Variants in TECR observed in about 807,000 individuals in gnomAD.
TECR encodes the protein very-long-chain enoyl-CoA reductase.
In TECR, 19 loss-of-function variants were observed where a neutral mutation model predicts 50.6. That is an observed-to-expected ratio of 0.38 (90% CI 0.26 to 0.55). The LOEUF (loss-of-function observed/expected upper bound fraction) is 0.55. TECR is among the 20% of genes least tolerant of loss of function. The pLI is 0.79. For missense variants in TECR, 313 were observed against 408.3 expected, an observed-to-expected ratio of 0.77 and a Z score of 2.01; for synonymous variants, 168 against 163.5, an observed-to-expected ratio of 1.03 and a Z score of -0.21.
Position 14,530,556 on chromosome 19 carries a change from A to G in TECR, c.15+845A>G, listed in dbSNP as rs187889314. 35 of 152,326 alleles carry G rather than the reference A, an allele frequency of 2.3e-4. No homozygotes were observed. The East Asian group carries it at 6.4e-3, about 28-fold the overall frequency. The allele number at this position is 152,326 out of a possible 1,614,324, so 9.4% of individuals were successfully genotyped here. A position where few individuals can be genotyped will look rare whatever the true frequency, so the allele number is the denominator to read the frequency against. ...TGCTGGTGAGATTCTGTTACCTTGTATAAGAACTATTATTATTCCTGTTTG... is the reference window on the plus strand; with the variant it reads ...TGCTGGTGAGATTCTGTTACCTTGTGTAAGAACTATTATTATTCCTGTTTG... On this transcript the variant is annotated intron_variant, in intron 1 of 12. Coordinates refer to ENST00000215567, the MANE Select transcript of TECR (RefSeq NM_138501.6).
At chr19:14,531,682 A>G (rs1263318437) in intron 1 of TECR, 1 of 152,208 alleles carries the variant, frequency 6.6e-6, no homozygotes, top group African/African-American at 2.4e-5. Context: ...TTGGCCTCCC[A>G]GAGTGCTGGG....
At chr19:14,544,099 G>A (rs2073220813) in intron 1 of TECR, among the ~76,000 whole-genome samples, 1 of 152,034 alleles carries the variant, frequency 6.6e-6, no homozygotes, top group Non-Finnish European at 1.5e-5. Flanking sequence ...GACAGAGCTG[G>A]AGAATCCCTA....
At chr19:14,550,752 C>T (rs1381010762) in intron 1 of TECR, among the ~76,000 whole-genome samples, 1 of 152,136 alleles carries the variant, frequency 6.6e-6, no homozygotes, top group Non-Finnish European at 1.5e-5. Flanking sequence ...GTGATCTCAG[C>T]TCACTGCAAC....
chr19:14,565,459 C>T (rs1174388163), intron 11 of TECR, among the ~76,000 whole-genome samples, 159 bp from the exon 12 acceptor site: 1 of 152,172 alleles, frequency 6.6e-6, no homozygotes, highest in Non-Finnish European at 1.5e-5. Flanking sequence ...AGGCGTGTGC[C>T]GCTGGGCTTC....
At position 14,563,330 on chromosome 19, in the gene TECR, T is replaced by C; in HGVS notation, c.118+73T>C. On this transcript the variant is annotated intron_variant, in intron 3 of 12. Coordinates refer to ENST00000215567, the MANE Select transcript of TECR (RefSeq NM_138501.6). The surrounding 1 kb of genome is among the most constrained non-coding windows in gnomAD (Gnocchi z 5.3). ...GGACCTTAGGGTGGGAGGGATCCCATCCTGCACCCCTCTCCCAGGGGCCTG... is the reference window on the plus strand; with the variant it reads ...GGACCTTAGGGTGGGAGGGATCCCACCCTGCACCCCTCTCCCAGGGGCCTG... 3.7e-6 allele frequency: 5 copies of C among 1,348,808 alleles called. No individual in the cohort carries two copies. The highest frequency in any genetic ancestry group is 5.2e-6 in the Non-Finnish European group (5 of 954,982). The allele number at this position is 1,348,808 out of a possible 1,614,324, so 83.6% of individuals were successfully genotyped here. A position where few individuals can be genotyped will look rare whatever the true frequency, so the allele number is the denominator to read the frequency against.
chr19:14,529,559 C>A (rs780851912), upstream of TECR: 2 of 1,346,888 alleles, frequency 1.5e-6, no homozygotes, highest in Non-Finnish European at 2.1e-6. Context: ...ACGGGGCGCG[C>A]GCGGCCTGGA....
At chr19:14,529,589 G>A (rs1210412160), upstream of TECR, 12 of 1,562,560 alleles carry the variant, frequency 7.7e-6, no homozygotes, top group Non-Finnish European at 1.1e-5. Context: ...CGGACGCAGA[G>A]CCGCGTTTAG....
intron 1 of TECR, among the ~76,000 whole-genome samples, chr19:14,538,633 A>C (rs1298272133): frequency 1.3e-5 from 2 of 150,328 alleles, no homozygotes; most frequent in African/African-American, 4.9e-5. Flanking sequence ...CCTGGGTTCA[A>C]GTGATTGTCC....
rs1008897308 is a variant in TECR, at chr19:14,547,365, ATTTTATGT to A, written c.16-15155_16-15148del. Among the ~76,000 whole-genome samples the A allele has an allele frequency of 2.8e-5, 4 of 141,000 alleles. No individual in the cohort carries two copies. The Admixed American group carries it at 2.9e-4, about 10-fold the overall frequency. The allele number at this position is 141,000 out of a possible 152,430, so 92.5% of individuals were successfully genotyped here. ...GGCCTATTTTATTTTATTTTATTTT[ATTTTATGT>A]TTTTTGAGACAGAGTCTCAGTCTGT... On this transcript the variant is annotated intron_variant, in intron 1 of 12. Coordinates refer to ENST00000215567, the MANE Select transcript of TECR (RefSeq NM_138501.6).
chr19:14,559,412 G>A (rs930096851), intron 1 of TECR, among the ~76,000 whole-genome samples: 1 of 152,068 alleles, frequency 6.6e-6, no homozygotes, highest in South Asian at 2.1e-4. Context: ...CATAGATATG[G>A]GACCTTTGTG....
In TECR at chr19:14,565,473, C is replaced by G. The variant is rs10405022; in HGVS notation, c.754-145C>G. 125 of 1,399,892 alleles carry G rather than the reference C, an allele frequency of 8.9e-5. 1 individual carries two copies. The East Asian group carries it at 1.4e-3, about 15-fold the overall frequency. 86.7% of individuals were successfully genotyped at this position (1,399,892 alleles called of 1,614,324 possible). ...GAGGCGTGTGCCGCTGGGCTTCCGCCGTATACAGCCCCGCCTCCGCTGGAA... is the reference window on the plus strand; with the variant it reads ...GAGGCGTGTGCCGCTGGGCTTCCGCGGTATACAGCCCCGCCTCCGCTGGAA... On this transcript the variant is annotated intron_variant, in intron 11 of 12. Coordinates refer to ENST00000215567, the MANE Select transcript of TECR (RefSeq NM_138501.6).
At chr19:14,529,474 G>A (rs552957110), upstream of TECR, 2 of 674,784 alleles carry the variant, frequency 3.0e-6, no homozygotes, top group South Asian at 1.6e-5. Flanking sequence ...ATCCCCTGGT[G>A]CTAGTCCTAG....
intron 1 of TECR, among the ~76,000 whole-genome samples, chr19:14,537,140 G>A (rs1452453615): frequency 2.1e-5 from 3 of 139,868 alleles, no homozygotes; most frequent in Non-Finnish European, 4.6e-5. Flanking sequence ...CTGAGGATGA[G>A]GAGGTAGGGC....
intron 1 of TECR, chr19:14,562,145 G>A: frequency 1.8e-6 from 1 of 567,002 alleles, no homozygotes. Context: ...CTCCTGGGGG[G>A]CGCAGTCTGG....
At position 14,563,603 on chromosome 19, in the gene TECR, G is replaced by A. The variant is rs111871356; in HGVS notation, c.119-55G>A. 8.8e-3 allele frequency: 14,150 copies of A among 1,608,002 alleles called. 1,029 individuals carry two copies. In the African/African-American group the frequency reaches 0.16, roughly 18 times the overall value. On this transcript the variant is annotated intron_variant, in intron 3 of 12. Transcript: ENST00000215567. The surrounding 1 kb of genome is among the most constrained non-coding windows in gnomAD (Gnocchi z 5.3). ...GAAGCTGGCACAGTGGCTGGGCAGC[G>A]GACCGGCTGAGCCCTGCCAGGCTGT...
upstream of TECR, chr19:14,529,241 A>T: frequency 3.5e-6 from 1 of 289,712 alleles, no homozygotes; most frequent in South Asian, 3.2e-5. Flanking sequence ...GCCGCCTGTC[A>T]TGTGGATGCT....
chr19:14,541,771 G>A (rs948892635), intron 1 of TECR, among the ~76,000 whole-genome samples: 3 of 151,940 alleles, frequency 2.0e-5, no homozygotes, highest in Non-Finnish European at 4.4e-5. Flanking sequence ...AGAGACCTGT[G>A]GACTTCTTTT....
chr19:14,531,828 A>G (rs2146548080), intron 1 of TECR: 1 of 152,160 alleles, frequency 6.6e-6, no homozygotes, highest in Non-Finnish European at 1.5e-5. Context: ...TTCTAGAATG[A>G]AGTTCTGATG....
chr19:14,559,277 G>A (rs2073835509), intron 1 of TECR, among the ~76,000 whole-genome samples: 3 of 152,034 alleles, frequency 2.0e-5, no homozygotes, highest in South Asian at 2.1e-4. Flanking sequence ...CCTCTGTCTC[G>A]TCCCAGAACA....
Sources: allele counts gnomAD v4.1 joint callset (sites outside exome capture counted in the v4.1 genomes callset), GRCh38; gene constraint gnomAD v4.1.1; non-coding constraint Gnocchi (gnomAD v3.1); transcripts MANE v1.5; gene names NCBI Gene and HGNC (gene_info 2026-07-23, HGNC 2026-07-21).